Variants in DLGAP2 observed in about 807,000 individuals in gnomAD.
The protein encoded by DLGAP2 is DLG associated protein 2.
Under a neutral mutation model 100.3 loss-of-function variants are expected in DLGAP2, and 26 were observed. That is an observed-to-expected ratio of 0.26 (90% CI 0.19 to 0.36). The LOEUF (loss-of-function observed/expected upper bound fraction) is 0.36, where lower values mean the gene tolerates loss of function less well. Among genes scored for constraint, DLGAP2 ranks in the 10% least tolerant of loss-of-function variants. The probability of loss-of-function intolerance (pLI) is 1.00; values close to 1 mark genes in which losing one functional copy is unlikely to be tolerated. For synonymous variants in DLGAP2, 886 were observed against 630.1 expected, an observed-to-expected ratio of 1.41 and a Z score of -6.08; for missense variants, 1,858 against 1,453.2, an observed-to-expected ratio of 1.28 and a Z score of -4.53.
intron 2 of DLGAP2, among the ~76,000 whole-genome samples, chr8:1,193,344 G>A (rs189547019): frequency 8.5e-5 from 13 of 152,280 alleles, no homozygotes; most frequent in Admixed American, 8.5e-4. Context: ...GTTGTTTCCT[G>A]GCTTTTTAAT....
At chr8:1,244,396 C>G (rs1798862523) in intron 2 of DLGAP2, among the ~76,000 whole-genome samples, 2 of 152,074 alleles carry the variant, frequency 1.3e-5, no homozygotes, top group South Asian at 4.2e-4. Flanking sequence ...GATATGAGCT[C>G]CTGAGGAGGA....
chr8:1,595,623 C>T (rs1264597406), intron 6 of DLGAP2, among the ~76,000 whole-genome samples: 4 of 144,252 alleles, frequency 2.8e-5, no homozygotes, highest in Non-Finnish European at 3.1e-5. Context: ...GCCGAGATTG[C>T]GCCACTGCAG....
chr8:1,278,356 C>T (rs912659522), intron 3 of DLGAP2, among the ~76,000 whole-genome samples: 5 of 152,374 alleles, frequency 3.3e-5, no homozygotes, highest in African/African-American at 7.2e-5. Context: ...TCTGGGGACT[C>T]TGCTCCCCAT....
intron 2 of DLGAP2, among the ~76,000 whole-genome samples, chr8:983,697 C>T (rs1584946604): frequency 6.6e-6 from 1 of 152,062 alleles, no homozygotes; most frequent in East Asian, 1.9e-4. Context: ...GGCTGGACTG[C>T]AGTGGTGTGA....
chr8:1,364,678 G>A (rs564156717), intron 3 of DLGAP2, among the ~76,000 whole-genome samples: 24 of 152,328 alleles, frequency 1.6e-4, no homozygotes, highest in East Asian at 1.4e-3. Flanking sequence ...GGCAAAGCTC[G>A]ACTGGCAAGG....
intron 2 of DLGAP2, among the ~76,000 whole-genome samples, chr8:1,042,855 A>G (rs868160464): frequency 0.11 from 589 of 5,586 alleles, 5 homozygotes; most frequent in Non-Finnish European, 0.14. Context: ...TGGGTGGTGG[A>G]TGTGGGTGGT....
chr8:1,518,588 A>T (rs1321955415), intron 4 of DLGAP2, among the ~76,000 whole-genome samples: 1 of 152,168 alleles, frequency 6.6e-6, no homozygotes, highest in African/African-American at 2.4e-5. Context: ...ATAAATGACC[A>T]CGTGGTGATT....
intron 3 of DLGAP2, among the ~76,000 whole-genome samples, chr8:1,315,364 C>CGT (rs1800711768): frequency 7.4e-6 from 1 of 135,520 alleles, no homozygotes; most frequent in African/African-American, 3.2e-5. Flanking sequence ...AGAGCCTATG[C>CGT]GAGTGCAGCG....
chr8:1,125,619 T>C (rs1796146772), intron 2 of DLGAP2, among the ~76,000 whole-genome samples: 1 of 152,266 alleles, frequency 6.6e-6, no homozygotes, highest in African/African-American at 2.4e-5. Context: ...AGGTGATTTA[T>C]GTTTTTATGT....
At chr8:1,204,025 T>A (rs944623516) in intron 2 of DLGAP2, among the ~76,000 whole-genome samples, 2 of 152,218 alleles carry the variant, frequency 1.3e-5, no homozygotes, top group Non-Finnish European at 2.9e-5. Flanking sequence ...TCTTGAAACT[T>A]CAATGTGCTT....
At chr8:1,092,416 G>T (rs1210465888) in intron 2 of DLGAP2, among the ~76,000 whole-genome samples, 1 of 152,234 alleles carries the variant, frequency 6.6e-6, no homozygotes, top group Non-Finnish European at 1.5e-5. Context: ...CCCGGGGCTG[G>T]CTTGCCTGTG....
intron 1 of DLGAP2, among the ~76,000 whole-genome samples, chr8:771,006 AT>A (rs1400704992): frequency 6.6e-6 from 1 of 151,874 alleles, no homozygotes; most frequent in Non-Finnish European, 1.5e-5. Flanking sequence ...TTTTATGATG[AT>A]TTTGGAAGTG....
At chr8:880,587 G>T (rs1331275860) in intron 1 of DLGAP2, among the ~76,000 whole-genome samples, 1 of 142,344 alleles carries the variant, frequency 7.0e-6, no homozygotes, top group Non-Finnish European at 1.5e-5. Flanking sequence ...TTATAGGTGG[G>T]TCGGGGTGAC....
At chr8:1,346,201 A>T (rs1349302436) in intron 3 of DLGAP2, among the ~76,000 whole-genome samples, 2 of 151,900 alleles carry the variant, frequency 1.3e-5, no homozygotes, top group Non-Finnish European at 2.9e-5. Flanking sequence ...GCTGCATTGC[A>T]CTCACGGTAG....
intron 2 of DLGAP2, among the ~76,000 whole-genome samples, chr8:1,182,323 C>T (rs183662380): frequency 6.6e-6 from 1 of 152,246 alleles, no homozygotes; most frequent in Non-Finnish European, 1.5e-5. Flanking sequence ...TGTGGCAGTG[C>T]TCACACACAC....
chr8:1,678,189 C>T (rs1409457965), intron 11 of DLGAP2, 25 bp from the exon 12 acceptor site: 16 of 1,585,348 alleles, frequency 1.0e-5, no homozygotes, highest in African/African-American at 1.3e-5. Flanking sequence ...GGGCTACCAT[C>T]TGTCTTCCTT....
chr8:1,429,068 A>G (rs1383377987), intron 3 of DLGAP2, among the ~76,000 whole-genome samples: 1 of 152,230 alleles, frequency 6.6e-6, no homozygotes, highest in Non-Finnish European at 1.5e-5. Flanking sequence ...GCACTTCTCT[A>G]GGGCTTCAGA....
intron 3 of DLGAP2, among the ~76,000 whole-genome samples, chr8:1,290,568 T>C (rs1585227153): frequency 2.0e-5 from 3 of 152,188 alleles, no homozygotes; most frequent in Admixed American, 2.0e-4. Flanking sequence ...CAGAGACCTT[T>C]AGAAACAAGT....
chr8:1,460,303 T>G (rs1006304122), intron 3 of DLGAP2, among the ~76,000 whole-genome samples: 1 of 152,236 alleles, frequency 6.6e-6, no homozygotes, highest in Admixed American at 6.5e-5. Context: ...TTATGACTAT[T>G]TTGTTTTAAT....
Sources: allele counts gnomAD v4.1 joint callset (sites outside exome capture counted in the v4.1 genomes callset), GRCh38; gene constraint gnomAD v4.1.1; transcripts MANE v1.5; gene names NCBI Gene and HGNC (gene_info 2026-07-23, HGNC 2026-07-21).